Variants in TMPRSS4 observed in about 807,000 individuals in gnomAD.
TMPRSS4 encodes the protein transmembrane protease serine 4.
TMPRSS4 carries 45 observed loss-of-function variants against 56.4 expected under a neutral mutation model. The ratio of observed to expected loss-of-function variants is 0.80; its 90% CI spans 0.63 to 1.02. The LOEUF (loss-of-function observed/expected upper bound fraction) is 1.02. TMPRSS4 is among the 50% of genes least tolerant of loss of function. The pLI is 0.00. For synonymous variants in TMPRSS4, 205 were observed against 211.0 expected (o/e 0.97, Z 0.25); for missense variants, 546 against 556.7 (o/e 0.98, Z 0.19).
chr11:118,104,764 C>T lies in TMPRSS4; in HGVS notation c.384C>T (p.Phe128=), dbSNP rs752005139. ...SATGNWFSAC[F]DNFTEALAET... ...CAGGGAACTGGTTCTCTGCCTGTTTCGACAACTTCACAGAAGCTCTCGCTG... is the reference window on the plus strand; with the variant it reads ...CAGGGAACTGGTTCTCTGCCTGTTTTGACAACTTCACAGAAGCTCTCGCTG... The change falls in exon 5 of 13, where the codon TTC becomes TTT. Residue 128 remains phenylalanine (F), a synonymous_variant. Transcript: ENST00000437212. 1.1e-5 allele frequency: 17 copies of T among 1,613,914 alleles called. No individual in the cohort carries two copies. Among genetic ancestry groups the T allele is most frequent in the Admixed American group, 5.0e-5 (3 of 59,982 alleles).
At position 118,108,677 on chromosome 11, in the gene TMPRSS4, GTGTCAATGCAGGAAATGCAATGGA is replaced by G. The variant is rs1176241637; in HGVS notation, c.543-167_543-144del. On this transcript the variant is annotated intron_variant, in intron 6 of 12. Transcript: ENST00000437212. ...GGGTGTTGAATCCAATCAAACGGAA[GTGTCAATGCAGGAAATGCAATGGA>G]TGTCAATGCAGTCTCCAAATGTTCC... is the stretch of plus-strand genomic sequence containing the variant. The G allele has an allele frequency of 2.4e-4, 152 of 622,870 alleles. 5 individuals carry two copies. The South Asian group carries it at 2.8e-3, about 12-fold the overall frequency. 38.6% of individuals were successfully genotyped at this position (622,870 alleles called of 1,614,324 possible). A position where few individuals can be genotyped will look rare whatever the true frequency, so the allele number is the denominator to read the frequency against.
At chr11:118,125,202 A>C (rs1485187340), downstream of TMPRSS4, 2 of 449,728 alleles carry the variant, frequency 4.4e-6, no homozygotes, top group African/African-American at 2.0e-5. Context: ...GTAACAAAAC[A>C]TGGAAATGAT....
intron 5 of TMPRSS4, chr11:118,107,092 C>T (rs1947030172): frequency 6.6e-6 from 1 of 152,120 alleles, no homozygotes; most frequent in Non-Finnish European, 1.5e-5. Flanking sequence ...GAGGCAGATT[C>T]AGTAAAGGAA....
At chr11:118,113,943 G>T (rs145638680) in intron 9 of TMPRSS4, among the ~76,000 whole-genome samples, 26 of 152,264 alleles carry the variant, frequency 1.7e-4, no homozygotes, top group Non-Finnish European at 2.8e-4. Context: ...CCAACTGTGG[G>T]GTCCACAAGA....
chr11:118,104,569 G>A lies in TMPRSS4; in HGVS notation c.311-122G>A, dbSNP rs1421291218. 3 of 1,470,592 alleles carry A rather than the reference G, an allele frequency of 2.0e-6. No homozygotes were observed. In the African/African-American group the frequency reaches 4.2e-5, roughly 21 times the overall value. The allele number at this position is 1,470,592 out of a possible 1,614,324, so 91.1% of individuals were successfully genotyped here. A position where few individuals can be genotyped will look rare whatever the true frequency, so the allele number is the denominator to read the frequency against. ...AAATTCCCTTGACATTGAAAGTGTT[G>A]GGGCTCTGTGGCACCCCCAGTTCTA... On this transcript the variant is annotated intron_variant, in intron 4 of 12. Coordinates refer to ENST00000437212, the MANE Select transcript of TMPRSS4 (RefSeq NM_019894.4).
At chr11:118,113,712 T>C (rs1393483537) in intron 9 of TMPRSS4, among the ~76,000 whole-genome samples, 1 of 152,170 alleles carries the variant, frequency 6.6e-6, no homozygotes, top group African/African-American at 2.4e-5. Context: ...CATCCAATCT[T>C]GGAGTTTTAG....
At position 118,119,297 on chromosome 11, in the gene TMPRSS4, C is replaced by A; in HGVS notation, c.*1384C>A. 1 of 985,368 alleles carries A rather than the reference C, an allele frequency of 1.0e-6. No individual in the cohort carries two copies. Among genetic ancestry groups the A allele is most frequent in the Non-Finnish European group, 1.2e-6 (1 of 829,920 alleles). 61.0% of individuals were successfully genotyped at this position (985,368 alleles called of 1,614,324 possible). A position where few individuals can be genotyped will look rare whatever the true frequency, so the allele number is the denominator to read the frequency against. ...CACACTGAAGACAAGGGAGCTGAAC[C>A]AGGGCTCCTACATGAAGCAGGGATA... is the stretch of plus-strand genomic sequence containing the variant. On this transcript the variant is annotated 3_prime_UTR_variant, in exon 13 of 13. Transcript: ENST00000437212.
intron 1 of TMPRSS4, among the ~76,000 whole-genome samples, chr11:118,084,178 GA>G (rs1945368278): frequency 1.3e-5 from 2 of 152,072 alleles, no homozygotes; most frequent in Non-Finnish European, 2.9e-5. Flanking sequence ...ACACACACAT[GA>G]AACTGAGTTT....
intron 1 of TMPRSS4, among the ~76,000 whole-genome samples, chr11:118,093,290 C>T (rs994763156): frequency 6.6e-6 from 1 of 152,206 alleles, no homozygotes; most frequent in African/African-American, 2.4e-5. Context: ...AAAAGAGGCC[C>T]TCTCACTCCC....
chr11:118,094,420 G>T (rs2135336804), intron 1 of TMPRSS4, among the ~76,000 whole-genome samples: 1 of 152,246 alleles, frequency 6.6e-6, no homozygotes, highest in African/African-American at 2.4e-5. Context: ...GGTACTTATT[G>T]GCCAGTTGAG....
Position 118,099,115 on chromosome 11 carries a change from AC to A in TMPRSS4, c.157+20del, listed in dbSNP as rs1174347047. 1.2e-6 allele frequency: 2 copies of A among 1,604,918 alleles called. No individual in the cohort carries two copies. The highest frequency in any genetic ancestry group is 2.2e-5 in the East Asian group (1 of 44,788). ...TTGTCCTCAGTAAGTGACAGCCCGT[AC>A]CCGACTTTCACCCTCTAAGTAAATG... On this transcript the variant is annotated intron_variant, in intron 3 of 12. Coordinates refer to ENST00000437212, the MANE Select transcript of TMPRSS4 (RefSeq NM_019894.4).
At chr11:118,081,421 C>T (rs776473819) in intron 1 of TMPRSS4, among the ~76,000 whole-genome samples, 2 of 152,216 alleles carry the variant, frequency 1.3e-5, no homozygotes, top group African/African-American at 2.4e-5. Flanking sequence ...ACCAGCACGT[C>T]GGCAGCTGAG....
chr11:118,097,484 T>C (rs1946471297), intron 2 of TMPRSS4, among the ~76,000 whole-genome samples: 1 of 152,082 alleles, frequency 6.6e-6, no homozygotes, highest in African/African-American at 2.4e-5. Flanking sequence ...TTTCCAGGGT[T>C]TCCAGAATTC....
chr11:118,108,071 G>T, intron 6 of TMPRSS4, 196 bp downstream of exon 6: 1 of 562,282 alleles, frequency 1.8e-6, no homozygotes, highest in Non-Finnish European at 3.2e-6. Context: ...GTGTTGACTT[G>T]TTTTTAATAC....
At chr11:118,111,413 T>C (rs1029899207) in intron 7 of TMPRSS4, among the ~76,000 whole-genome samples, 1 of 152,262 alleles carries the variant, frequency 6.6e-6, no homozygotes, top group South Asian at 2.1e-4. Flanking sequence ...TGGGCAGGGC[T>C]TTCGTAATTC....
chr11:118,122,319 CT>C (rs1173769384), downstream of TMPRSS4, among the ~76,000 whole-genome samples: 2 of 152,074 alleles, frequency 1.3e-5, no homozygotes, highest in Non-Finnish European at 2.9e-5. Context: ...ACCATTAAAA[CT>C]GAAAAAGTGG....
At chr11:118,089,191 G>A (rs1029700771) in intron 1 of TMPRSS4, among the ~76,000 whole-genome samples, 7 of 152,138 alleles carry the variant, frequency 4.6e-5, no homozygotes, top group South Asian at 2.1e-4. Flanking sequence ...CCCAGTACTC[G>A]TGACCTTCTG....
intron 5 of TMPRSS4, among the ~76,000 whole-genome samples, chr11:118,105,128 T>C (rs1946926126): frequency 6.6e-6 from 1 of 152,162 alleles, no homozygotes. Context: ...TCCTCTCCTT[T>C]CCTTTACTCC....
intron 2 of TMPRSS4, among the ~76,000 whole-genome samples, chr11:118,095,859 C>G (rs918645040): frequency 6.6e-6 from 1 of 152,184 alleles, no homozygotes; most frequent in African/African-American, 2.4e-5. Flanking sequence ...GAAGCTCTGT[C>G]TAGCTGCAGT....
Sources: gnomAD v4.1 joint callset for allele counts (sites outside exome capture counted in the v4.1 genomes callset) on GRCh38, gnomAD v4.1.1 for gene constraint, MANE v1.5 for transcripts, NCBI Gene and HGNC (gene_info 2026-07-23, HGNC 2026-07-21) for gene names.